ROBO2: variants seen among roughly 807,000 people sequenced by gnomAD.
ROBO2 encodes roundabout guidance receptor 2.
A neutral mutation model predicts 160.8 loss-of-function variants in ROBO2; 53 were observed. The ratio of observed to expected loss-of-function variants is 0.33; its 90% CI spans 0.26 to 0.41. ROBO2 has a LOEUF of 0.41. Ranked by LOEUF, ROBO2 falls within the 10% of genes least tolerant of loss-of-function variation. The pLI is 1.00. For synonymous variants in ROBO2, 664 were observed against 611.7 expected (o/e 1.09, Z -1.26); for missense variants, 1,577 against 1,722.4 (o/e 0.92, Z 1.49).
chr3:76,531,741 A>T (rs1247293264), intron 2 of ROBO2, among the ~76,000 whole-genome samples: 1 of 151,744 alleles, frequency 6.6e-6, no homozygotes, highest in Non-Finnish European at 1.5e-5. Context: ...TGTTGAAAAA[A>T]CAACAACACT....
At chr3:77,598,525 G>GTATATATATATATATA (rs2094360933) in intron 19 of ROBO2, among the ~76,000 whole-genome samples, 3 of 71,452 alleles carry the variant, frequency 4.2e-5, no homozygotes, top group African/African-American at 1.7e-4. Flanking sequence ...ATATATATAT[G>GTATATATATATATATA]TGTATATATA....
At chr3:76,546,569 T>C (rs530259578) in intron 2 of ROBO2, among the ~76,000 whole-genome samples, 2 of 152,006 alleles carry the variant, frequency 1.3e-5, no homozygotes, top group East Asian at 3.9e-4. Flanking sequence ...GCCAGAGAAA[T>C]GGCAATGTGA....
At chr3:76,678,451 G>C (rs962752641) in intron 2 of ROBO2, among the ~76,000 whole-genome samples, 1 of 151,928 alleles carries the variant, frequency 6.6e-6, no homozygotes, top group African/African-American at 2.4e-5. Context: ...TGACAGATGG[G>C]GCATTGTGGA....
chr3:76,271,355 C>T (rs2107627712), intron 2 of ROBO2, among the ~76,000 whole-genome samples: 1 of 151,832 alleles, frequency 6.6e-6, no homozygotes, highest in Admixed American at 6.6e-5. Context: ...TGCTACCTCT[C>T]CACATTGTAG....
At chr3:77,351,983 A>G (rs1174145487) in intron 2 of ROBO2, among the ~76,000 whole-genome samples, 3 of 151,792 alleles carry the variant, frequency 2.0e-5, no homozygotes, top group Non-Finnish European at 4.4e-5. Context: ...GCATTAGGAG[A>G]TATACCTAAT....
rs191384904 is a variant in ROBO2, at chr3:76,747,766, T to C, written c.110-350248T>C. ...AACATACATTTGGTCCTTGTCAGTA[T>C]TCTATATAAAAATCTTATCTGTATG... On this transcript the variant is annotated intron_variant, in intron 2 of 26. Transcript: ENST00000487694. Among the ~76,000 whole-genome samples, 278 of 152,110 alleles carry C rather than the reference T, an allele frequency of 1.8e-3. 2 individuals carry two copies. Among genetic ancestry groups the C allele is most frequent in the Non-Finnish European group, 3.4e-3 (234 of 67,934 alleles).
At chr3:77,483,395 G>T (rs1432190845) in intron 4 of ROBO2, among the ~76,000 whole-genome samples, 1 of 151,858 alleles carries the variant, frequency 6.6e-6, no homozygotes, top group African/African-American at 2.4e-5. Flanking sequence ...TATTAATAGG[G>T]AGGTCTTCTT....
At chr3:76,316,602 C>G (rs1216869775) in intron 2 of ROBO2, among the ~76,000 whole-genome samples, 1 of 151,946 alleles carries the variant, frequency 6.6e-6, no homozygotes, top group Non-Finnish European at 1.5e-5. Flanking sequence ...CAGTAGAGGT[C>G]CTGAGGTGAC....
rs554483218 is a variant in ROBO2 at position 75,915,173 on chromosome 3, A to C, written c.-14+8213A>C. On this transcript the variant is annotated intron_variant, in intron 1 of 26. Coordinates refer to the ROBO2 transcript ENST00000487694. ...TTTGCCTCTCTAGTTTGATCACAAAACCAGTGAATGTTTGCTTATGGAACA... is the reference window on the plus strand; with the variant it reads ...TTTGCCTCTCTAGTTTGATCACAAACCCAGTGAATGTTTGCTTATGGAACA... Among the ~76,000 whole-genome samples, 50 of 152,298 alleles carry C rather than the reference A, an allele frequency of 3.3e-4. 1 individual carries two copies. Among genetic ancestry groups the C allele is most frequent in the African/African-American group, 7.7e-4 (32 of 41,574 alleles).
chr3:76,489,084 CAAAAAAAAAA>C (rs67454494), intron 2 of ROBO2, among the ~76,000 whole-genome samples: 1 of 60,134 alleles, frequency 1.7e-5, no homozygotes, highest in Non-Finnish European at 3.2e-5. Flanking sequence ...GACTCTGTCT[CAAAAAAAAAA>C]AAAAAAAAAA....
chr3:77,269,446 A>G (rs2059347313), intron 2 of ROBO2, among the ~76,000 whole-genome samples: 1 of 152,090 alleles, frequency 6.6e-6, no homozygotes, highest in Non-Finnish European at 1.5e-5. Context: ...TTTTTTCCAC[A>G]TGGGCTTTTC....
chr3:76,263,279 A>G (rs1252246044), intron 2 of ROBO2, among the ~76,000 whole-genome samples: 1 of 152,060 alleles, frequency 6.6e-6, no homozygotes, highest in African/African-American at 2.4e-5. Flanking sequence ...TCAGGCTGGA[A>G]TGGTGCAGTG....
At chr3:77,609,013 T>C (rs2094576434) in intron 21 of ROBO2, among the ~76,000 whole-genome samples, 1 of 151,786 alleles carries the variant, frequency 6.6e-6, no homozygotes, top group Non-Finnish European at 1.5e-5. Flanking sequence ...TGTCATAACA[T>C]TGGCTTCCTT....
At chr3:77,553,556 G>A (rs1271991343) in intron 8 of ROBO2, among the ~76,000 whole-genome samples, 1 of 151,972 alleles carries the variant, frequency 6.6e-6, no homozygotes, top group Non-Finnish European at 1.5e-5. Flanking sequence ...AGTTAGCAAA[G>A]TTATGCATGC....
At chr3:76,345,795 T>A (rs560075957) in intron 2 of ROBO2, among the ~76,000 whole-genome samples, 30 of 152,242 alleles carry the variant, frequency 2.0e-4, no homozygotes, top group African/African-American at 7.2e-4. Flanking sequence ...AAAGTTTTAT[T>A]TATGAAATTT....
intron 2 of ROBO2, among the ~76,000 whole-genome samples, chr3:76,704,828 A>G (rs1003258418): frequency 6.6e-6 from 1 of 152,132 alleles, no homozygotes; most frequent in African/African-American, 2.4e-5. Flanking sequence ...GACAAAAACC[A>G]GTTCAGCACT....
intron 22 of ROBO2, among the ~76,000 whole-genome samples, 154 bp from the exon 24 acceptor site, chr3:77,622,073 C>T (rs1030390104): frequency 1.3e-5 from 2 of 151,932 alleles, no homozygotes; most frequent in Non-Finnish European, 2.9e-5. Flanking sequence ...TATTCGTAGC[C>T]ATTGTTTCTG....
chr3:76,636,120 ATAT>A (rs1246465409), intron 2 of ROBO2, among the ~76,000 whole-genome samples: 3 of 152,330 alleles, frequency 2.0e-5, no homozygotes, highest in African/African-American at 4.8e-5. Context: ...ATTATACATA[ATAT>A]TATGTATTTA....
chr3:75,939,274 C>T (rs539685465), intron 2 of ROBO2, among the ~76,000 whole-genome samples: 1 of 152,220 alleles, frequency 6.6e-6, no homozygotes, highest in African/African-American at 2.4e-5. Context: ...CTAAAACCTT[C>T]CTCTGACCAT....
Sources: gnomAD v4.1 joint callset for allele counts (sites outside exome capture counted in the v4.1 genomes callset) on GRCh38, gnomAD v4.1.1 for gene constraint, MANE v1.5 for transcripts, NCBI Gene and HGNC (gene_info 2026-07-23, HGNC 2026-07-21) for gene names.